Variants in NOL4 observed in about 807,000 individuals in gnomAD.
The protein encoded by NOL4 is nucleolar protein 4, also known as cancer/testis antigen 125.
A neutral mutation model predicts 75.9 loss-of-function variants in NOL4; 17 were observed. The ratio of observed to expected loss-of-function variants is 0.22; its 90% confidence interval spans 0.15 to 0.34. NOL4 has a LOEUF of 0.34. NOL4 is among the 10% of genes least tolerant of loss of function. NOL4 has a pLI of 1.00. For synonymous variants in NOL4, 292 were observed against 289.9 expected (o/e 1.01, Z -0.07); for missense variants, 614 against 793.5 (o/e 0.77, Z 2.72).
intron 6 of NOL4, among the ~76,000 whole-genome samples, chr18:33,960,281 C>T (rs541512513): frequency 6.6e-6 from 1 of 152,026 alleles, no homozygotes; most frequent in Admixed American, 6.6e-5. Context: ...TAATCAAATG[C>T]AGATAATTAC....
At chr18:34,157,673 A>G (rs554723616) in intron 1 of NOL4, among the ~76,000 whole-genome samples, 7 of 152,294 alleles carry the variant, frequency 4.6e-5, no homozygotes, top group African/African-American at 1.7e-4. Context: ...GAGAAAAGTA[A>G]AAAGACTGAG....
chr18:33,886,216 T>C (rs1454673475), intron 9 of NOL4, among the ~76,000 whole-genome samples: 1 of 151,738 alleles, frequency 6.6e-6, no homozygotes, highest in Admixed American at 6.6e-5. Context: ...GGATGGTTAA[T>C]GGGTAAAAAC....
intron 9 of NOL4, among the ~76,000 whole-genome samples, chr18:33,934,094 G>C (rs2067889027): frequency 6.6e-6 from 1 of 152,044 alleles, no homozygotes; most frequent in Non-Finnish European, 1.5e-5. Context: ...ATCTCCATCA[G>C]AGCTCTTGGG....
chr18:34,178,542 G>C (rs2033756083), intron 1 of NOL4, among the ~76,000 whole-genome samples: 1 of 151,692 alleles, frequency 6.6e-6, no homozygotes, highest in Non-Finnish European at 1.5e-5. Flanking sequence ...AACCAAAAGA[G>C]AAGTGGAGAG....
chr18:34,130,207 C>T (rs778704564), intron 1 of NOL4, among the ~76,000 whole-genome samples, 187 bp from the exon 2 acceptor site: 2 of 151,970 alleles, frequency 1.3e-5, no homozygotes, highest in Non-Finnish European at 2.9e-5. Context: ...CTTGGAAAAA[C>T]ATGAGAGAAG....
intron 1 of NOL4, among the ~76,000 whole-genome samples, chr18:34,163,063 A>G (rs1203506931): frequency 6.6e-6 from 1 of 152,228 alleles, no homozygotes; most frequent in Admixed American, 6.5e-5. Flanking sequence ...AAAACTCTCA[A>G]TAAATTAGGT....
At chr18:33,866,897 C>G (rs981426744) in intron 10 of NOL4, among the ~76,000 whole-genome samples, 1 of 152,042 alleles carries the variant, frequency 6.6e-6, no homozygotes, top group Non-Finnish European at 1.5e-5. Flanking sequence ...TAACAGGAAG[C>G]AATCCCTAAA....
chr18:33,915,982 A>G (rs1002860849), intron 9 of NOL4, among the ~76,000 whole-genome samples: 23 of 152,150 alleles, frequency 1.5e-4, no homozygotes, highest in African/African-American at 5.6e-4. Flanking sequence ...ACATGGATTG[A>G]GTTCCAACAT....
At chr18:34,091,227 G>A (rs1365233153) in intron 5 of NOL4, among the ~76,000 whole-genome samples, 2 of 151,660 alleles carry the variant, frequency 1.3e-5, no homozygotes, top group African/African-American at 2.4e-5. Flanking sequence ...GCTGGGTGTG[G>A]TGGTGTGTGC....
intron 9 of NOL4, among the ~76,000 whole-genome samples, chr18:33,913,587 C>A (rs1281947849): frequency 6.6e-6 from 1 of 152,040 alleles, no homozygotes; most frequent in African/African-American, 2.4e-5. Flanking sequence ...ACTTTTAACC[C>A]ATTTTAAAAG....
At chr18:34,155,384 A>C (rs1357288964) in intron 1 of NOL4, among the ~76,000 whole-genome samples, 1 of 152,026 alleles carries the variant, frequency 6.6e-6, no homozygotes, top group African/African-American at 2.4e-5. Context: ...CAAGGCAGTC[A>C]ATATTGGCTT....
intron 5 of NOL4, among the ~76,000 whole-genome samples, chr18:34,092,467 G>GT (rs2078571846): frequency 6.6e-6 from 1 of 152,052 alleles, no homozygotes; most frequent in Non-Finnish European, 1.5e-5. Flanking sequence ...GTTCTTGGAC[G>GT]TTTTTTATGC....
intron 2 of NOL4, among the ~76,000 whole-genome samples, chr18:34,110,190 G>C (rs926468564): frequency 3.0e-5 from 4 of 131,946 alleles, no homozygotes; most frequent in Admixed American, 1.6e-4. Context: ...ACACTTCCAA[G>C]TTCATGTCAG....
At chr18:33,965,106 T>C (rs185451579) in intron 6 of NOL4, among the ~76,000 whole-genome samples, 1 of 152,230 alleles carries the variant, frequency 6.6e-6, no homozygotes, top group Non-Finnish European at 1.5e-5. Flanking sequence ...GTTAAGTAAA[T>C]ATGTAACAAA....
In NOL4 at chr18:33,932,731, G is replaced by A. The variant is rs139672765; in HGVS notation, c.1542+10334C>T. ...AATATTTTTAAAGTATGATTCTAAA[G>A]TCATGAGGATTGGATCAAAATGGGG... On this transcript the variant is annotated intron_variant, in intron 9 of 10. Transcript: ENST00000261592. Among the ~76,000 whole-genome samples, 841 of 152,098 alleles carry A rather than the reference G, an allele frequency of 5.5e-3. 12 individuals are homozygous for A. Among genetic ancestry groups the A allele is most frequent in the African/African-American group, 0.019 (808 of 41,528 alleles).
chr18:33,876,831 T>C (rs2063957200), intron 10 of NOL4, among the ~76,000 whole-genome samples: 1 of 152,068 alleles, frequency 6.6e-6, no homozygotes, highest in Non-Finnish European at 1.5e-5. Flanking sequence ...ACAATATCAT[T>C]GTTACAGGTA....
At chr18:34,074,564 G>T (rs2077665675) in intron 5 of NOL4, among the ~76,000 whole-genome samples, 1 of 151,834 alleles carries the variant, frequency 6.6e-6, no homozygotes, top group African/African-American at 2.4e-5. Context: ...CACAAATCAT[G>T]AAACTAATGC....
intron 5 of NOL4, among the ~76,000 whole-genome samples, chr18:34,086,718 G>A (rs1427509257): frequency 1.3e-5 from 2 of 151,994 alleles, no homozygotes; most frequent in Non-Finnish European, 2.9e-5. Context: ...TATAAACTGG[G>A]CAGTAAAAAC....
At chr18:34,105,950 T>C (rs936856204) in intron 2 of NOL4, among the ~76,000 whole-genome samples, 6 of 152,048 alleles carry the variant, frequency 3.9e-5, no homozygotes, top group Non-Finnish European at 5.9e-5. Context: ...AATAATTCCT[T>C]ATGTGAAACT....
Sources: allele counts gnomAD v4.1 joint callset (sites outside exome capture counted in the v4.1 genomes callset), GRCh38; gene constraint gnomAD v4.1.1; transcripts MANE v1.5; gene names NCBI Gene and HGNC (gene_info 2026-07-23, HGNC 2026-07-21).